Variants in EML4 observed in about 807,000 individuals in gnomAD.
EML4 encodes EMAP like 4.
Under a neutral mutation model 129.0 loss-of-function variants are expected in EML4, and 72 were observed. The ratio of observed to expected loss-of-function variants is 0.56; its 90% CI spans 0.46 to 0.68. The LOEUF is 0.68. Ranked by LOEUF, EML4 falls within the 30% of genes least tolerant of loss-of-function variation. The pLI, the probability that EML4 is intolerant of heterozygous loss-of-function variation, is 0.00. For missense variants in EML4, 1,363 were observed against 1,190.6 expected (o/e 1.14, Z -2.13); for synonymous variants, 532 against 405.0 (o/e 1.31, Z -3.77).
rs144775664 is a variant in EML4 at position 42,219,073 on chromosome 2, A to C, written c.26-26432A>C. On this transcript the variant is annotated intron_variant, in intron 1 of 22. Transcript: ENST00000318522. ...GCTTGTTTCATCAGTGACATCATTT[A>C]CACACCAATGACTCTTGGCCATGAA... is the stretch of plus-strand genomic sequence containing the variant. Among the ~76,000 whole-genome samples, 981 of 152,352 alleles carry C rather than the reference A, an allele frequency of 6.4e-3. 14 individuals are homozygous for C. Among genetic ancestry groups the C allele is most frequent in the African/African-American group, 0.023 (940 of 41,572 alleles).
chr2:42,324,272 G>A (rs1669673587), intron 19 of EML4, among the ~76,000 whole-genome samples: 1 of 152,064 alleles, frequency 6.6e-6, no homozygotes, highest in African/African-American at 2.4e-5. Flanking sequence ...TCCAGACTGG[G>A]CAACAGAGAC....
chr2:42,296,385 T>G (rs1374915711), intron 13 of EML4, among the ~76,000 whole-genome samples: 1 of 152,152 alleles, frequency 6.6e-6, no homozygotes, highest in African/African-American at 2.4e-5. Context: ...CCCTGAGTTT[T>G]CTGAGACATT....
rs981985094 is a variant in EML4 at position 42,291,552 on chromosome 2, T to C, written c.1218+3230T>C. Among the ~76,000 whole-genome samples, 4 of 151,972 alleles carry C rather than the reference T, an allele frequency of 2.6e-5. No individual in the cohort carries two copies. The South Asian group carries it at 8.3e-4, about 32-fold the overall frequency. On this transcript the variant is annotated intron_variant, in intron 11 of 22. Coordinates refer to ENST00000318522, the MANE Select transcript of EML4 (RefSeq NM_019063.5). ...CTGAGTAGTTGGGATTACAGGCGTG[T>C]GCCACCATGCCCAGCTAATTTTTGT...
intron 1 of EML4, among the ~76,000 whole-genome samples, chr2:42,230,399 TTTTTA>T (rs1460040660): frequency 4.6e-5 from 7 of 152,094 alleles, no homozygotes; most frequent in African/African-American, 1.2e-4. Flanking sequence ...AACCTCTTAT[TTTTTA>T]TTTTATTTAT....
chr2:42,174,891 C>T (rs1174168068), intron 1 of EML4, among the ~76,000 whole-genome samples: 1 of 151,738 alleles, frequency 6.6e-6, no homozygotes, highest in Non-Finnish European at 1.5e-5. Context: ...GATCTCGGCT[C>T]ACTGCAGCCT....
In EML4 at chr2:42,169,390, C is replaced by T. The variant is rs1232490508; in HGVS notation, c.-222C>T. 5.9e-6 allele frequency: 2 copies of T among 337,432 alleles called. No individual in the cohort carries two copies. Among genetic ancestry groups the T allele is most frequent in the Non-Finnish European group, 1.1e-5 (2 of 187,002 alleles). 20.9% of individuals were successfully genotyped at this position (337,432 alleles called of 1,614,324 possible). On this transcript the variant is annotated 5_prime_UTR_variant, in exon 1 of 23. Coordinates refer to ENST00000318522, the MANE Select transcript of EML4 (RefSeq NM_019063.5). ...GCTGCTGCCTGGGAGGGAGGCCGGG[C>T]AGGCGGCTGAGCGGCGCGGCTCTCA...
At chr2:42,279,275 C>T (rs1350729793) in intron 6 of EML4, among the ~76,000 whole-genome samples, 1 of 152,132 alleles carries the variant, frequency 6.6e-6, no homozygotes, top group Admixed American at 6.5e-5. Flanking sequence ...GATATCTCCT[C>T]AAGATCCTAA....
At chr2:42,175,239 G>C (rs770068234) in intron 1 of EML4, among the ~76,000 whole-genome samples, 1 of 151,634 alleles carries the variant, frequency 6.6e-6, no homozygotes, top group Non-Finnish European at 1.5e-5. Context: ...CAAGCCTCCC[G>C]AGTAGCTGGG....
chr2:42,302,508 A>T (rs1668344061), intron 14 of EML4, among the ~76,000 whole-genome samples: 1 of 151,350 alleles, frequency 6.6e-6, no homozygotes, highest in South Asian at 2.1e-4. Context: ...TCTTCATGTG[A>T]TTTCATGTGA....
At chr2:42,311,602 C>T (rs1668955899) in intron 17 of EML4, among the ~76,000 whole-genome samples, 1 of 152,052 alleles carries the variant, frequency 6.6e-6, no homozygotes, top group African/African-American at 2.4e-5. Flanking sequence ...TCCATAAACT[C>T]ATTAAAAACT....
At chr2:42,179,532 A>C (rs1467020546) in intron 1 of EML4, among the ~76,000 whole-genome samples, 1 of 152,176 alleles carries the variant, frequency 6.6e-6, no homozygotes, top group Non-Finnish European at 1.5e-5. Flanking sequence ...TACATACCCA[A>C]GTTTTTATGG....
chr2:42,252,471 A>C (rs539268526), intron 2 of EML4, among the ~76,000 whole-genome samples: 1 of 152,290 alleles, frequency 6.6e-6, no homozygotes, highest in East Asian at 1.9e-4. Flanking sequence ...TGGCTACTAG[A>C]GGGTATTCTC....
chr2:42,327,713 GA>G (rs1244874162), intron 21 of EML4, among the ~76,000 whole-genome samples: 1 of 152,138 alleles, frequency 6.6e-6, no homozygotes, highest in Non-Finnish European at 1.5e-5. Context: ...AAGATAGATG[GA>G]AAAGTTAAAA....
At chr2:42,328,295 A>G (rs1056548283) in intron 21 of EML4, among the ~76,000 whole-genome samples, 2 of 152,252 alleles carry the variant, frequency 1.3e-5, no homozygotes, top group African/African-American at 2.4e-5. Flanking sequence ...CGACATGATC[A>G]TTAGTGCTGC....
In EML4 at chr2:42,291,768, A is replaced by T. The variant is rs1048581950; in HGVS notation, c.1219-3357A>T. Among the ~76,000 whole-genome samples the T allele has an allele frequency of 2.6e-5, 4 of 152,192 alleles. No homozygotes were observed. In the South Asian group the frequency reaches 8.3e-4, roughly 31 times the overall value. On this transcript the variant is annotated intron_variant, in intron 11 of 22. Transcript: ENST00000318522. ...GATACATACTTCCAACAAAACACTC[A>T]TATTCTGAATATATAAGCATCTATA... is the stretch of plus-strand genomic sequence containing the variant.
intron 1 of EML4, among the ~76,000 whole-genome samples, chr2:42,183,341 T>C (rs1317849312): frequency 6.6e-6 from 1 of 152,212 alleles, no homozygotes; most frequent in African/African-American, 2.4e-5. Flanking sequence ...TTATTCACTG[T>C]TAGGAGGTCA....
At chr2:42,183,517 C>T (rs1000342305) in intron 1 of EML4, among the ~76,000 whole-genome samples, 1 of 152,086 alleles carries the variant, frequency 6.6e-6, no homozygotes, top group African/African-American at 2.4e-5. Context: ...TGATAGCTGT[C>T]CTAGGACTAC....
rs1022027965 is a variant in EML4, at chr2:42,330,749, G to C, written c.*542G>C. ...CTTCAGTTTTGCCAAGTGCAATGGTGTTGCCTTCTTTAAAAAATGCCGTTT... is the reference window on the plus strand; with the variant it reads ...CTTCAGTTTTGCCAAGTGCAATGGTCTTGCCTTCTTTAAAAAATGCCGTTT... On this transcript the variant is annotated 3_prime_UTR_variant, in exon 23 of 23. Coordinates refer to ENST00000318522, the MANE Select transcript of EML4 (RefSeq NM_019063.5). The C allele has an allele frequency of 4.5e-6, 1 of 221,652 alleles. No homozygotes were observed. The highest frequency in any genetic ancestry group is 2.3e-5 in the African/African-American group (1 of 43,740). 13.7% of individuals were successfully genotyped at this position (221,652 alleles called of 1,614,324 possible).
intron 13 of EML4, among the ~76,000 whole-genome samples, chr2:42,296,867 T>C (rs1314112276): frequency 6.6e-6 from 1 of 152,206 alleles, no homozygotes; most frequent in Non-Finnish European, 1.5e-5. Context: ...TGGATGGCAT[T>C]ATATCCCGAT....
Sources: allele counts gnomAD v4.1 joint callset (sites outside exome capture counted in the v4.1 genomes callset), GRCh38; gene constraint gnomAD v4.1.1; transcripts MANE v1.5; gene names NCBI Gene and HGNC (gene_info 2026-07-23, HGNC 2026-07-21).